Variants in MRPS5 observed in about 807,000 individuals in gnomAD.
MRPS5 encodes mitochondrial ribosomal protein S5.
A neutral mutation model predicts 51.9 loss-of-function variants in MRPS5; 27 were observed. The observed-to-expected ratio is 0.52, with a 90% confidence interval of 0.38 to 0.72. The LOEUF is 0.72. Ranked by LOEUF, MRPS5 falls within the 30% of genes least tolerant of loss-of-function variation. The pLI, the probability that MRPS5 is intolerant of heterozygous loss-of-function variation, is 0.00. For missense variants in MRPS5, 570 were observed against 545.7 expected, an observed-to-expected ratio of 1.04 and a Z score of -0.44; for synonymous variants, 196 against 193.2, an observed-to-expected ratio of 1.01 and a Z score of -0.12.
chr2:95,121,579 G>A (rs2104436934), intron 1 of MRPS5, among the ~76,000 whole-genome samples, 155 bp downstream of exon 1: 1 of 152,330 alleles, frequency 6.6e-6, no homozygotes. Context: ...CGCGCGCAAG[G>A]TCACACAGCG....
Position 95,109,970 on chromosome 2 carries a change from T to C in MRPS5, c.349A>G (p.Arg117Gly), listed in dbSNP as rs1429164156. ...GAGAKKGRGK[R>G]TKKKKRKDLN... ...TCCTTTCTTTTCTTCTTTTTAGTTCTTTTGCCTCTTCCTTTTTTTGCTCCA... is the reference window on the plus strand; with the variant it reads ...TCCTTTCTTTTCTTCTTTTTAGTTCCTTTGCCTCTTCCTTTTTTTGCTCCA... The change falls in exon 4 of 12, where the codon AGA (arginine) becomes GGA (glycine). Residue 117 changes from arginine to glycine, a missense_variant. Physicochemically the swap from Arg to Gly is moderately radical, Grantham distance 125. Coordinates refer to ENST00000272418, the MANE Select transcript of MRPS5 (RefSeq NM_031902.5). 23 of 1,614,028 alleles carry C rather than the reference T, an allele frequency of 1.4e-5. No homozygotes were observed. The highest frequency in any genetic ancestry group is 1.9e-5 in the Non-Finnish European group (23 of 1,180,026).
At chr2:95,108,078 G>C in intron 5 of MRPS5, 97 bp downstream of exon 5, 1 of 985,902 alleles carries the variant, frequency 1.0e-6, no homozygotes, top group South Asian at 1.5e-5. Context: ...TTTGGAAAAA[G>C]GTAGTATAAA....
intron 7 of MRPS5, chr2:95,103,952 T>C (rs917755097): frequency 2.0e-5 from 3 of 152,258 alleles, no homozygotes; most frequent in Non-Finnish European, 4.4e-5. Flanking sequence ...ATACTATATA[T>C]ATATGTATTA....
chr2:95,086,681 T>C lies in MRPS5; in HGVS notation c.*676A>G, dbSNP rs187663292. Among the ~76,000 whole-genome samples, 126 of 152,182 alleles carry C rather than the reference T, an allele frequency of 8.3e-4. No individual in the cohort carries two copies. Among genetic ancestry groups the C allele is most frequent in the African/African-American group, 2.8e-3 (118 of 41,564 alleles). On this transcript the variant is annotated 3_prime_UTR_variant, in exon 12 of 12. Coordinates refer to ENST00000272418, the MANE Select transcript of MRPS5 (RefSeq NM_031902.5). ...TGGGTAAAAACTTCTGTAAAGCATGTATGATAGGGGGGCTTATATCTAGAA... is the reference window on the plus strand; with the variant it reads ...TGGGTAAAAACTTCTGTAAAGCATGCATGATAGGGGGGCTTATATCTAGAA...
At chr2:95,116,013 C>A (rs1157169644) in intron 2 of MRPS5, among the ~76,000 whole-genome samples, 1 of 151,548 alleles carries the variant, frequency 6.6e-6, no homozygotes, top group African/African-American at 2.4e-5. Context: ...TTCAGCGATT[C>A]TCCTGCCTCA....
At chr2:95,109,233 T>G (rs1676044548) in intron 4 of MRPS5, among the ~76,000 whole-genome samples, 2 of 152,128 alleles carry the variant, frequency 1.3e-5, no homozygotes, top group South Asian at 4.1e-4. Context: ...AAGAAAAATA[T>G]CCAAGTAGAC....
chr2:95,121,111 G>A (rs1001021083), intron 1 of MRPS5, among the ~76,000 whole-genome samples: 4 of 151,952 alleles, frequency 2.6e-5, no homozygotes, highest in Admixed American at 2.6e-4. Context: ...GAGTAAGACT[G>A]TCTCAAAAAA....
At chr2:95,090,013 T>C (rs986435647) in intron 11 of MRPS5, among the ~76,000 whole-genome samples, 3 of 150,678 alleles carry the variant, frequency 2.0e-5, no homozygotes, top group African/African-American at 7.3e-5. Flanking sequence ...CCGTCTCTAC[T>C]AAAAATACAA....
chr2:95,090,802 T>C (rs1358659532), intron 10 of MRPS5: 2 of 342,336 alleles, frequency 5.8e-6, no homozygotes, highest in African/African-American at 2.1e-5. Flanking sequence ...TTAATAAACA[T>C]GCATGAAAAT....
intron 3 of MRPS5, among the ~76,000 whole-genome samples, chr2:95,114,120 CAAAAAAAAAAA>C (rs1002543941): frequency 2.3e-5 from 1 of 43,022 alleles, no homozygotes; most frequent in Non-Finnish European, 3.9e-5. Context: ...CTCCATCTCC[CAAAAAAAAAAA>C]AAAAAAAAAA....
chr2:95,104,455 T>C, intron 7 of MRPS5, 185 bp downstream of exon 7: 1 of 653,670 alleles, frequency 1.5e-6, no homozygotes. Flanking sequence ...TAGAATCTAT[T>C]CTCTCTTTTC....
Position 95,110,056 on chromosome 2 carries a change from G to C in MRPS5, c.278-15C>G, listed in dbSNP as rs765628942. 1.0e-5 allele frequency: 16 copies of C among 1,600,932 alleles called. No homozygotes were observed. The highest frequency in any genetic ancestry group is 3.6e-5 in the Admixed American group (2 of 56,202). The stretch of plus-strand genomic sequence containing the variant: ...ATCTGCAGTCACTGTAACGAAACAG[G>C]GTTTCTTTTCTTAATTCTGTAGTTT... On this transcript the variant is annotated splice_polypyrimidine_tract_variant and intron_variant, in intron 3 of 11. Transcript: ENST00000272418.
At chr2:95,094,723 G>A (rs927640955) in intron 10 of MRPS5, among the ~76,000 whole-genome samples, 1 of 152,162 alleles carries the variant, frequency 6.6e-6, no homozygotes, top group Non-Finnish European at 1.5e-5. Context: ...AAGAACTCCT[G>A]AAGGAAGCAC....
chr2:95,101,018 T>C (rs1201294534), intron 8 of MRPS5, 124 bp from the exon 9 acceptor site: 2 of 738,130 alleles, frequency 2.7e-6, no homozygotes, highest in East Asian at 5.5e-5. Flanking sequence ...GGTTAGTATA[T>C]ACTTCTAAAA....
chr2:95,101,254 G>C (rs1031494974), intron 8 of MRPS5, among the ~76,000 whole-genome samples: 57 of 151,988 alleles, frequency 3.8e-4, no homozygotes, highest in African/African-American at 1.4e-3. Flanking sequence ...TGTGGTGGTG[G>C]GCACCTGTAA....
intron 2 of MRPS5, among the ~76,000 whole-genome samples, chr2:95,116,906 C>T (rs991775363): frequency 1.3e-5 from 2 of 151,866 alleles, no homozygotes; most frequent in African/African-American, 2.4e-5. Context: ...TTTGGGAGGC[C>T]GATGAGGGCG....
chr2:95,121,760 A>T lies in MRPS5; in HGVS notation c.32T>A (p.Leu11His). Reference sequence around the variant, plus strand: ...TGCCGTCCCGCTACACAGCACGGGGAGGCAGCCCACAGCGCGCACCGCGGT... The same window carrying T: ...TGCCGTCCCGCTACACAGCACGGGGTGGCAGCCCACAGCGCGCACCGCGGT... MATAVRAVGCLPVLCSGTAGH... is the reference protein window; with the variant it reads MATAVRAVGCHPVLCSGTAGH... Residue 11 changes from leucine (L) to histidine (H), a missense_variant, in exon 1 of 12, where the codon CTC (leucine) becomes CAC (histidine). Coordinates refer to ENST00000272418, the MANE Select transcript of MRPS5 (RefSeq NM_031902.5). The T allele has an allele frequency of 6.4e-7, 1 of 1,554,184 alleles. No homozygotes were observed.
intron 10 of MRPS5, chr2:95,092,541 A>G (rs145078480): frequency 2.6e-5 from 4 of 152,358 alleles, no homozygotes; most frequent in Non-Finnish European, 5.9e-5. Flanking sequence ...CAAAATGTCT[A>G]TAAATGTGTA....
At chr2:95,121,922 GCAGGC>G (rs1676470050), upstream of MRPS5, 5 of 1,075,102 alleles carry the variant, frequency 4.7e-6, no homozygotes, top group East Asian at 1.6e-4. Context: ...ACGCAGCAGC[GCAGGC>G]CGGGGTGAGG....
Sources: allele counts gnomAD v4.1 joint callset (sites outside exome capture counted in the v4.1 genomes callset), GRCh38; gene constraint gnomAD v4.1.1; transcripts MANE v1.5; gene names NCBI Gene and HGNC (gene_info 2026-07-23, HGNC 2026-07-21).